FSTL4: variants seen among roughly 807,000 people sequenced by gnomAD.
The protein encoded by FSTL4 is follistatin like 4, also known as follistatin-related protein 4.
Under a neutral mutation model 78.2 loss-of-function variants are expected in FSTL4, and 28 were observed. The observed-to-expected ratio is 0.36, with a 90% confidence interval of 0.27 to 0.49. FSTL4 has a LOEUF of 0.49. Among genes scored for constraint, FSTL4 ranks in the 20% least tolerant of loss-of-function variants. The pLI, the probability that FSTL4 is intolerant of heterozygous loss-of-function variation, is 0.98. For missense variants in FSTL4, 922 were observed against 1,084.9 expected, an observed-to-expected ratio of 0.85 and a Z score of 2.11; for synonymous variants, 422 against 440.5, an observed-to-expected ratio of 0.96 and a Z score of 0.53.
chr5:133,454,126 T>C (rs1430321659), intron 3 of FSTL4, among the ~76,000 whole-genome samples: 3 of 151,928 alleles, frequency 2.0e-5, no homozygotes, highest in Non-Finnish European at 4.4e-5. Flanking sequence ...ATAGATACTA[T>C]CACGCTACTT....
At chr5:133,512,228 T>A (rs1446541403) in intron 3 of FSTL4, among the ~76,000 whole-genome samples, 2 of 152,216 alleles carry the variant, frequency 1.3e-5, no homozygotes, top group African/African-American at 4.8e-5. Context: ...CTCACCTGTG[T>A]CCTACCCACC....
At chr5:133,448,460 T>C (rs1369228157) in intron 3 of FSTL4, among the ~76,000 whole-genome samples, 1 of 152,204 alleles carries the variant, frequency 6.6e-6, no homozygotes, top group Admixed American at 6.5e-5. Context: ...CCCTTGGCTT[T>C]TCAATGCGTT....
intron 4 of FSTL4, among the ~76,000 whole-genome samples, chr5:133,369,974 G>T (rs1267448120): frequency 6.8e-6 from 1 of 147,438 alleles, no homozygotes; most frequent in South Asian, 2.3e-4. Context: ...TGATCCCTTT[G>T]TTGGGGTTGG....
At chr5:133,270,179 G>A (rs903006946) in intron 6 of FSTL4, 2 of 152,208 alleles carry the variant, frequency 1.3e-5, no homozygotes, top group Non-Finnish European at 2.9e-5. Flanking sequence ...TCCCAGGTAA[G>A]AGGTGCTAAA....
chr5:133,414,865 C>A (rs1031367361), intron 3 of FSTL4, among the ~76,000 whole-genome samples: 2 of 152,288 alleles, frequency 1.3e-5, no homozygotes, highest in East Asian at 1.9e-4. Flanking sequence ...CCTGAGCCCA[C>A]CTGCATGTTA....
intron 4 of FSTL4, among the ~76,000 whole-genome samples, chr5:133,356,045 T>C (rs1754938124): frequency 6.6e-6 from 1 of 152,244 alleles, no homozygotes; most frequent in South Asian, 2.1e-4. Context: ...GGGGGCCTTC[T>C]GGGTCCTGGA....
intron 4 of FSTL4, among the ~76,000 whole-genome samples, chr5:133,346,292 C>T (rs573193177): frequency 9.9e-5 from 15 of 152,128 alleles, no homozygotes; most frequent in East Asian, 5.8e-4. Flanking sequence ...ACCTAATGCA[C>T]GCCGGGCTTA....
the FSTL4 span, among the ~76,000 whole-genome samples, chr5:133,732,837 C>A: frequency 6.6e-6 from 1 of 152,316 alleles, no homozygotes; most frequent in South Asian, 2.1e-4. Flanking sequence ...GATGAAGGGG[C>A]CACCTGAGGT....
At chr5:133,706,980 T>C in the FSTL4 span, among the ~76,000 whole-genome samples, 4 of 152,166 alleles carry the variant, frequency 2.6e-5, no homozygotes, top group African/African-American at 7.2e-5. Context: ...AGGCACTCTC[T>C]CACACTGCAT....
chr5:133,752,762 G>C, the FSTL4 span, among the ~76,000 whole-genome samples: 7 of 152,124 alleles, frequency 4.6e-5, no homozygotes, highest in Admixed American at 3.3e-4. Flanking sequence ...GGGGTCATAG[G>C]GGGCAGGGGG....
intron 2 of FSTL4, among the ~76,000 whole-genome samples, chr5:133,603,299 G>T (rs1223546889): frequency 6.6e-6 from 1 of 152,108 alleles, no homozygotes; most frequent in South Asian, 2.1e-4. Context: ...ACTCTCCAGG[G>T]AGGTATTTGA....
the FSTL4 span, among the ~76,000 whole-genome samples, chr5:133,821,199 G>C: frequency 4.6e-5 from 7 of 152,324 alleles, no homozygotes; most frequent in African/African-American, 1.7e-4. Flanking sequence ...ATATTCTTCT[G>C]ATTAGTCACA....
At chr5:133,403,599 T>A (rs1580686224) in intron 3 of FSTL4, among the ~76,000 whole-genome samples, 1 of 152,202 alleles carries the variant, frequency 6.6e-6, no homozygotes, top group Non-Finnish European at 1.5e-5. Context: ...GGGAGGGTGG[T>A]GAAGCCTCAC....
At chr5:133,647,562 C>T in the FSTL4 span, among the ~76,000 whole-genome samples, 2 of 152,244 alleles carry the variant, frequency 1.3e-5, no homozygotes, top group East Asian at 1.9e-4. Context: ...AGAATAATCT[C>T]CCAAATCCAT....
At chr5:133,472,945 T>C (rs1757853423) in intron 3 of FSTL4, among the ~76,000 whole-genome samples, 1 of 152,220 alleles carries the variant, frequency 6.6e-6, no homozygotes. Context: ...TCTTGTACTG[T>C]TCACCTTGCC....
Position 133,565,750 on chromosome 5 carries a change from C to A in FSTL4, c.160+1436G>T, listed in dbSNP as rs770085309. Among the ~76,000 whole-genome samples the A allele has an allele frequency of 3.2e-4, 48 of 152,174 alleles. 1 individual carries two copies. The highest frequency in any genetic ancestry group is 7.3e-5 in the Non-Finnish European group (5 of 68,038). ...ATAGAAATACATGGCTCTTTTATAACCCCAGCCTTATTAGAGACATTTTCA... is the reference window on the plus strand; with the variant it reads ...ATAGAAATACATGGCTCTTTTATAAACCCAGCCTTATTAGAGACATTTTCA... On this transcript the variant is annotated intron_variant, in intron 3 of 15. Transcript: ENST00000265342.
In FSTL4 at chr5:133,221,912, T is replaced by G. The variant is rs868461063; in HGVS notation, c.1340-1046A>C. 1.6e-3 allele frequency among the ~76,000 whole-genome samples: 187 copies of G among 113,966 alleles called. 2 individuals carry two copies. Among genetic ancestry groups the G allele is most frequent in the Non-Finnish European group, 2.1e-3 (121 of 57,896 alleles). 74.8% of individuals were successfully genotyped at this position (113,966 alleles called of 152,430 possible). On this transcript the variant is annotated intron_variant, in intron 11 of 15. Coordinates refer to ENST00000265342, the MANE Select transcript of FSTL4 (RefSeq NM_015082.2). ...TCTAGTTTTTTTTTTTTTTTTTTTT[T>G]TTTTTTTTTTTTTTTAGCATGCTGA...
chr5:133,580,359 CA>C (rs911193898), intron 2 of FSTL4, among the ~76,000 whole-genome samples: 4 of 152,196 alleles, frequency 2.6e-5, no homozygotes, highest in Admixed American at 2.0e-4. Flanking sequence ...CTGAGCAATT[CA>C]TTTCATCATC....
intron 2 of FSTL4, chr5:133,583,162 C>G: frequency 2.3e-6 from 1 of 434,046 alleles, no homozygotes; most frequent in South Asian, 1.6e-5. Flanking sequence ...TCAGCAAACA[C>G]CAGCACATTC....
Sources: allele counts gnomAD v4.1 joint callset (sites outside exome capture counted in the v4.1 genomes callset), GRCh38; gene constraint gnomAD v4.1.1; transcripts MANE v1.5; gene names NCBI Gene and HGNC (gene_info 2026-07-23, HGNC 2026-07-21).